PLEKHM1: variants seen among roughly 807,000 people sequenced by gnomAD.
PLEKHM1 encodes the protein pleckstrin homology domain-containing family M member 1.
Under a neutral mutation model 94.3 loss-of-function variants are expected in PLEKHM1, and 28 were observed. That is an observed-to-expected ratio of 0.30 (90% CI 0.22 to 0.41). The LOEUF is 0.41. PLEKHM1 is among the 10% of genes least tolerant of loss of function. The pLI, the probability that PLEKHM1 is intolerant of heterozygous loss-of-function variation, is 1.00. For missense variants in PLEKHM1, 907 were observed against 1,358.6 expected (o/e 0.67, Z 5.22); for synonymous variants, 424 against 581.2 (o/e 0.73, Z 3.89).
intron 9 of PLEKHM1, among the ~76,000 whole-genome samples, chr17:45,441,240 T>C (rs1439219992): frequency 1.3e-5 from 2 of 152,148 alleles, no homozygotes; most frequent in Admixed American, 6.5e-5. Context: ...GGGGACAGGA[T>C]GGTGCCAGCC....
rs1432541243 is a variant in PLEKHM1 at position 45,478,249 on chromosome 17, T to G, written c.49-102A>C. 9.1e-6 allele frequency: 12 copies of G among 1,319,386 alleles called. No individual in the cohort carries two copies. The Admixed American group carries it at 1.0e-4, about 11-fold the overall frequency. 81.7% of individuals were successfully genotyped at this position (1,319,386 alleles called of 1,614,324 possible). A position where few individuals can be genotyped will look rare whatever the true frequency, so the allele number is the denominator to read the frequency against. ...GGTGCCAAATACGTGTGCAACCACA[T>G]GCACACACATCTATGTGTGTGTCTG... is the stretch of plus-strand genomic sequence containing the variant. On this transcript the variant is annotated intron_variant, in intron 2 of 11. Transcript: ENST00000430334.
At chr17:45,479,424 A>G (rs1372196101) in intron 2 of PLEKHM1, among the ~76,000 whole-genome samples, 2 of 151,910 alleles carry the variant, frequency 1.3e-5, no homozygotes, top group Non-Finnish European at 1.5e-5. Flanking sequence ...AGGCTGAGGC[A>G]GGAGAATGGC....
intron 7 of PLEKHM1, among the ~76,000 whole-genome samples, chr17:45,451,732 C>G (rs1164555137): frequency 6.6e-6 from 1 of 152,064 alleles, no homozygotes; most frequent in Non-Finnish European, 1.5e-5. Flanking sequence ...CCCAAACTCC[C>G]CGGTGGCACA....
At chr17:45,451,759 G>C (rs2050780191) in intron 7 of PLEKHM1, among the ~76,000 whole-genome samples, 1 of 152,040 alleles carries the variant, frequency 6.6e-6, no homozygotes, top group African/African-American at 2.4e-5. Context: ...CCCGCTGGTG[G>C]GTGGCAGCCA....
intron 5 of PLEKHM1, among the ~76,000 whole-genome samples, chr17:45,465,613 G>A (rs1306647167): frequency 1.3e-5 from 2 of 152,160 alleles, no homozygotes; most frequent in African/African-American, 4.8e-5. Context: ...GGGAGGCTGA[G>A]GCATGAGAAT....
At chr17:45,470,821 G>A (rs2051485464) in intron 4 of PLEKHM1, among the ~76,000 whole-genome samples, 1 of 151,384 alleles carries the variant, frequency 6.6e-6, no homozygotes, top group African/African-American at 2.4e-5. Context: ...ACAACGCCCA[G>A]CTAATTTTTT....
chr17:45,434,840 A>G (rs12946900), downstream of PLEKHM1, among the ~76,000 whole-genome samples: 19,410 of 151,826 alleles, frequency 0.13, 1,588 homozygotes, highest in Middle Eastern at 0.21. Flanking sequence ...GAGAAGAGGA[A>G]AAGGGGAAGT....
Position 45,454,181 on chromosome 17 carries a change from G to A in PLEKHM1, c.1671C>T (p.Leu557=), listed in dbSNP as rs141154514. The change falls in exon 7 of 12, where the codon CTC becomes CTT. Residue 557 remains leucine (L), a synonymous_variant. Transcript: ENST00000430334. ...MGIWKELFCE[L]SPLEFRLYLS... is the part of the protein sequence containing the mutation. ...GGTAGAGGCGGAACTCCAGCGGGGA[G>A]AGCTCGCAGAAGAGCTCCTTCCAGA... The A allele has an allele frequency of 4.3e-6, 7 of 1,613,480 alleles. No homozygotes were observed. In the East Asian group the frequency reaches 6.7e-5, roughly 15 times the overall value.
Position 45,450,730 on chromosome 17 carries a change from C to G in PLEKHM1, c.2531G>C (p.Arg844Pro), listed in dbSNP as rs1259240823. 9.4e-6 allele frequency: 15 copies of G among 1,587,816 alleles called. No homozygotes were observed. The highest frequency in any genetic ancestry group is 1.8e-5 in the Admixed American group (1 of 56,290). Reference protein sequence around the residue: ...CSRQIGFSFVRPKLCAFSGLY... With the variant: ...CSRQIGFSFVPPKLCAFSGLY... ...GCCAGAGAAGGCACAGAGCTTGGGT[C>G]GTACAAAGGAGAAGCCGATCTGCCG... The change falls in exon 8 of 12, where the codon CGA (arginine) becomes CCA (proline). Residue 844 changes from arginine to proline, a missense_variant. By Grantham distance (103) the Arg-to-Pro change is moderately radical. Coordinates refer to ENST00000430334, the MANE Select transcript of PLEKHM1 (RefSeq NM_014798.3).
At chr17:45,457,191 A>G (rs1209619849) in intron 6 of PLEKHM1, among the ~76,000 whole-genome samples, 2 of 151,534 alleles carry the variant, frequency 1.3e-5, no homozygotes, top group Admixed American at 6.6e-5. Context: ...AAAAAAAAAA[A>G]AAGAAGCACT....
intron 8 of PLEKHM1, among the ~76,000 whole-genome samples, chr17:45,450,229 C>G (rs577964775): frequency 6.6e-6 from 1 of 152,126 alleles, no homozygotes; most frequent in Non-Finnish European, 1.5e-5. Context: ...GCCCAGCCCC[C>G]TAACCATCCA....
intron 5 of PLEKHM1, among the ~76,000 whole-genome samples, chr17:45,458,883 A>G (rs1484485965): frequency 6.6e-6 from 1 of 151,172 alleles, no homozygotes; most frequent in Admixed American, 6.6e-5. Context: ...CTGTAATCCC[A>G]GCACTTTGGG....
intron 4 of PLEKHM1, among the ~76,000 whole-genome samples, chr17:45,470,392 G>A (rs1362301605): frequency 1.1e-4 from 16 of 152,262 alleles, no homozygotes; most frequent in Non-Finnish European, 1.9e-4. Context: ...CACTTTGGAG[G>A]CCAAGGCGGG....
At position 45,490,341 on chromosome 17, in the gene PLEKHM1, G is replaced by C. The variant is rs184483966; in HGVS notation, c.-42+311C>G. On this transcript the variant is annotated intron_variant, in intron 1 of 11. Coordinates refer to ENST00000430334, the MANE Select transcript of PLEKHM1 (RefSeq NM_014798.3). ...GGGGCGAAGGGACGTGGCCGAGATC[G>C]GTGTTGGAACTGGGGTAAAGTGGGG... Among the ~76,000 whole-genome samples, 1,324 of 152,230 alleles carry C rather than the reference G, an allele frequency of 8.7e-3. 16 individuals are homozygous for C. Among genetic ancestry groups the C allele is most frequent in the African/African-American group, 0.03 (1,245 of 41,518 alleles).
chr17:45,488,423 T>C (rs2052197860), intron 1 of PLEKHM1, among the ~76,000 whole-genome samples: 2 of 152,124 alleles, frequency 1.3e-5, no homozygotes. Flanking sequence ...AGGCACGGGG[T>C]AAGTACCTCC....
chr17:45,486,464 C>T, intron 1 of PLEKHM1, among the ~76,000 whole-genome samples: 1 of 151,386 alleles, frequency 6.6e-6, no homozygotes, highest in South Asian at 2.1e-4. Flanking sequence ...GTCCCAGCTA[C>T]TTGGGAGGCT....
intron 7 of PLEKHM1, among the ~76,000 whole-genome samples, chr17:45,451,899 C>G (rs1006647976): frequency 3.7e-4 from 56 of 152,232 alleles, no homozygotes; most frequent in African/African-American, 1.3e-3. Context: ...CTGGGGCAGG[C>G]GGGGGAGAGG....
Position 45,437,175 on chromosome 17 carries a change from C to G in PLEKHM1, c.*683G>C, listed in dbSNP as rs1167092667. On this transcript the variant is annotated 3_prime_UTR_variant, in exon 12 of 12. Transcript: ENST00000430334. The surrounding 1 kb of genome is among the most constrained non-coding windows in gnomAD (Gnocchi z 4.0). ...AAAGCGGTGGGCTCAGCAGGCGAGA[C>G]GCACTGGGGTGGGGAGTAAAGAGGA... The G allele has an allele frequency of 2.2e-6, 1 of 452,562 alleles. No homozygotes were observed. Among genetic ancestry groups the G allele is most frequent in the Non-Finnish European group, 4.4e-6 (1 of 225,402 alleles). 28.0% of individuals were successfully genotyped at this position (452,562 alleles called of 1,614,324 possible).
chr17:45,454,583 C>T (rs2050887572), intron 6 of PLEKHM1: 1 of 552,908 alleles, frequency 1.8e-6, no homozygotes, highest in Admixed American at 3.1e-5. Flanking sequence ...ACCAAGTGTG[C>T]TTCTTTCTGC....
Sources: gnomAD v4.1 joint callset for allele counts (sites outside exome capture counted in the v4.1 genomes callset) on GRCh38, gnomAD v4.1.1 for gene constraint, Gnocchi (gnomAD v3.1) non-coding constraint, MANE v1.5 for transcripts, NCBI Gene and HGNC (gene_info 2026-07-23, HGNC 2026-07-21) for gene names.